The following LRRIQ1 variants were observed in gnomAD, a reference collection of about 807,000 sequenced individuals.
LRRIQ1 encodes leucine-rich repeat- and IQ domain-containing protein 1.
A neutral mutation model predicts 211.9 loss-of-function variants in LRRIQ1; 210 were observed. The ratio of observed to expected loss-of-function variants is 0.99; its 90% CI spans 0.89 to 1.11. The LOEUF (loss-of-function observed/expected upper bound fraction) is 1.11. LRRIQ1 is among the 50% of genes most tolerant of loss of function. The probability of loss-of-function intolerance (pLI) is 0.00; values close to 1 mark genes in which losing one functional copy is unlikely to be tolerated. For missense variants in LRRIQ1, 2,136 were observed against 1,939.5 expected (o/e 1.10, Z -1.90); for synonymous variants, 699 against 650.1 (o/e 1.08, Z -1.14).
chr12:85,241,272 C>T (rs1032930086), intron 26 of LRRIQ1, among the ~76,000 whole-genome samples: 7 of 151,876 alleles, frequency 4.6e-5, no homozygotes, highest in Non-Finnish European at 7.4e-5. Flanking sequence ...TTGCACTTTA[C>T]GGCATGTACA....
the LRRIQ1 span, among the ~76,000 whole-genome samples, chr12:85,271,274 T>A: frequency 2.6e-5 from 4 of 152,276 alleles, no homozygotes; most frequent in South Asian, 8.3e-4. Flanking sequence ...TGCAACTGAA[T>A]GTGAAATTTT....
intron 8 of LRRIQ1, among the ~76,000 whole-genome samples, chr12:85,060,286 C>T (rs977390004): frequency 6.6e-6 from 1 of 151,856 alleles, no homozygotes; most frequent in African/African-American, 2.4e-5. Context: ...AATACTAGAC[C>T]ATTGGGTTAT....
At chr12:85,163,983 T>C (rs1891028376) in intron 24 of LRRIQ1, among the ~76,000 whole-genome samples, 1 of 152,194 alleles carries the variant, frequency 6.6e-6, no homozygotes, top group Admixed American at 6.5e-5. Flanking sequence ...GTTTTTCCTA[T>C]GAGACAAGTC....
intron 1 of LRRIQ1, chr12:85,262,809 T>C (rs1896335397): frequency 2.2e-6 from 1 of 454,872 alleles, no homozygotes; most frequent in African/African-American, 2.1e-5. Flanking sequence ...TCCAAGATCA[T>C]AGACTTTTCA....
intron 8 of LRRIQ1, among the ~76,000 whole-genome samples, chr12:85,064,838 G>C (rs566937750): frequency 1.3e-4 from 20 of 151,904 alleles, no homozygotes; most frequent in African/African-American, 4.8e-4. Context: ...GTTAACTGTA[G>C]ATGTATGAAT....
At chr12:85,089,591 C>T (rs1394057150) in intron 11 of LRRIQ1, among the ~76,000 whole-genome samples, 1 of 152,036 alleles carries the variant, frequency 6.6e-6, no homozygotes, top group Non-Finnish European at 1.5e-5. Flanking sequence ...GTATTCATAC[C>T]CTAGTGATTG....
At chr12:85,094,614 T>G (rs1321171079) in intron 11 of LRRIQ1, among the ~76,000 whole-genome samples, 1 of 152,166 alleles carries the variant, frequency 6.6e-6, no homozygotes, top group Non-Finnish European at 1.5e-5. Context: ...ATGTTCCATA[T>G]TAATTTTAGA....
chr12:85,101,814 A>G (rs1886366665), intron 13 of LRRIQ1, among the ~76,000 whole-genome samples: 1 of 151,678 alleles, frequency 6.6e-6, no homozygotes, highest in South Asian at 2.1e-4. Context: ...CAAAGCGTAT[A>G]TTTCTTCACT....
chr12:85,257,126 A>ATGTAT (rs1188455455), intron 1 of LRRIQ1, among the ~76,000 whole-genome samples: 4 of 21,830 alleles, frequency 1.8e-4, no homozygotes, highest in Non-Finnish European at 3.8e-4. Context: ...TACATAATAT[A>ATGTAT]TAATATATAT....
chr12:85,080,902 AC>A (rs1884212935), intron 11 of LRRIQ1, among the ~76,000 whole-genome samples: 1 of 152,038 alleles, frequency 6.6e-6, no homozygotes, highest in South Asian at 2.1e-4. Flanking sequence ...GACAGAGAAT[AC>A]TATGAAAAAA....
chr12:85,069,800 T>G (rs1432801354), intron 10 of LRRIQ1, among the ~76,000 whole-genome samples: 2 of 152,158 alleles, frequency 1.3e-5, no homozygotes, highest in Non-Finnish European at 2.9e-5. Context: ...GTTTTTTTCT[T>G]GTGAGTTTGT....
chr12:85,199,053 C>T (rs1893161591), intron 24 of LRRIQ1, among the ~76,000 whole-genome samples: 1 of 152,038 alleles, frequency 6.6e-6, no homozygotes, highest in African/African-American at 2.4e-5. Flanking sequence ...TTCTCCCGTT[C>T]TGTAAGTTGT....
At chr12:85,256,254 A>G (rs1193448659) in intron 1 of LRRIQ1, among the ~76,000 whole-genome samples, 1 of 151,696 alleles carries the variant, frequency 6.6e-6, no homozygotes, top group Non-Finnish European at 1.5e-5. Flanking sequence ...TTTTTTGACG[A>G]CAGGATTCAT....
At chr12:85,222,040 C>T (rs193253215) in intron 24 of LRRIQ1, among the ~76,000 whole-genome samples, 59 of 152,156 alleles carry the variant, frequency 3.9e-4, no homozygotes, top group African/African-American at 1.4e-3. Context: ...GTAAAATATG[C>T]AGTTGGAAGG....
intron 13 of LRRIQ1, among the ~76,000 whole-genome samples, chr12:85,102,602 G>A (rs773812563): frequency 2.6e-5 from 4 of 151,622 alleles, no homozygotes; most frequent in African/African-American, 4.8e-5. Context: ...CAAGGGAAGA[G>A]TGAAGGTCAA....
At chr12:85,251,221 G>A (rs1258830328) in intron 1 of LRRIQ1, among the ~76,000 whole-genome samples, 1 of 150,846 alleles carries the variant, frequency 6.6e-6, no homozygotes, top group East Asian at 2.0e-4. Flanking sequence ...AGAAATTGAG[G>A]AAAAGCATAA....
At chr12:85,211,883 T>C (rs538731659) in intron 24 of LRRIQ1, among the ~76,000 whole-genome samples, 21 of 152,298 alleles carry the variant, frequency 1.4e-4, no homozygotes, top group Admixed American at 4.6e-4. Context: ...TATCATTTCT[T>C]CTACTAAATT....
Position 85,113,407 on chromosome 12 carries a change from A to G in LRRIQ1, c.3377+6792A>G, listed in dbSNP as rs963977894. Reference sequence around the variant, plus strand: ...TCTGTTAAATTGAGAAATTTTATTTATATCCATTAATTTTTAAAAGGATAT... The same window carrying G: ...TCTGTTAAATTGAGAAATTTTATTTGTATCCATTAATTTTTAAAAGGATAT... On this transcript the variant is annotated intron_variant, in intron 15 of 26. Transcript: ENST00000393217. Among the ~76,000 whole-genome samples, 27 of 152,214 alleles carry G rather than the reference A, an allele frequency of 1.8e-4. No homozygotes were observed. In the Middle Eastern group the frequency reaches 0.01, roughly 58 times the overall value.
intron 15 of LRRIQ1, 36 bp downstream of exon 15, chr12:85,106,651 T>C: frequency 1.5e-6 from 2 of 1,356,450 alleles, no homozygotes; most frequent in Non-Finnish European, 2.1e-6. Flanking sequence ...GTATATCCAT[T>C]ATTATAGTTG....
Sources: allele counts gnomAD v4.1 joint callset (sites outside exome capture counted in the v4.1 genomes callset), GRCh38; gene constraint gnomAD v4.1.1; transcripts MANE v1.5; gene names NCBI Gene and HGNC (gene_info 2026-07-23, HGNC 2026-07-21).